NRXN3: variants seen among roughly 807,000 people sequenced by gnomAD.
The protein encoded by NRXN3 is neurexin 3.
In NRXN3, 32 loss-of-function variants were observed where a neutral mutation model predicts 137.6. The ratio of observed to expected loss-of-function variants is 0.23; its 90% confidence interval spans 0.18 to 0.31. The LOEUF is 0.31. NRXN3 is among the 10% of genes least tolerant of loss of function. The pLI is 1.00. For missense variants in NRXN3, 1,574 were observed against 2,062.5 expected (o/e 0.76, Z 4.59); for synonymous variants, 798 against 784.5 (o/e 1.02, Z -0.29).
At chr14:78,349,763 T>G (rs2083231422) in intron 4 of NRXN3, among the ~76,000 whole-genome samples, 1 of 152,228 alleles carries the variant, frequency 6.6e-6, no homozygotes, top group Non-Finnish European at 1.5e-5. Flanking sequence ...TTACCAGTAT[T>G]ATTCCTAGTC....
At chr14:79,667,180 G>A (rs2098564380) in intron 17 of NRXN3, among the ~76,000 whole-genome samples, 2 of 151,908 alleles carry the variant, frequency 1.3e-5, no homozygotes, top group Non-Finnish European at 2.9e-5. Context: ...ACCTGGCAAG[G>A]CAGTCTTGAC....
At chr14:79,132,143 G>C (rs573977220) in intron 15 of NRXN3, among the ~76,000 whole-genome samples, 1 of 152,228 alleles carries the variant, frequency 6.6e-6, no homozygotes, top group Non-Finnish European at 1.5e-5. Flanking sequence ...CGTCTTCTGC[G>C]TTGCTCACGC....
At chr14:79,734,719 G>A (rs914757121) in intron 19 of NRXN3, among the ~76,000 whole-genome samples, 25 of 151,946 alleles carry the variant, frequency 1.6e-4, no homozygotes, top group African/African-American at 5.6e-4. Context: ...AAAAAAGAAA[G>A]CCTGAGGAAA....
chr14:79,733,607 G>A (rs542371346), intron 19 of NRXN3, among the ~76,000 whole-genome samples: 6 of 151,772 alleles, frequency 4.0e-5, no homozygotes, highest in South Asian at 2.1e-4. Flanking sequence ...TGAATTCACC[G>A]ATTGCTATCT....
intron 10 of NRXN3, among the ~76,000 whole-genome samples, chr14:78,880,981 T>A (rs1288850190): frequency 6.6e-6 from 1 of 152,160 alleles, no homozygotes; most frequent in Non-Finnish European, 1.5e-5. Context: ...ACGGGGGCAA[T>A]TACCCTTATG....
chr14:79,112,687 A>G (rs1406579984), intron 15 of NRXN3, among the ~76,000 whole-genome samples: 1 of 152,236 alleles, frequency 6.6e-6, no homozygotes, highest in Admixed American at 6.5e-5. Flanking sequence ...GAAAAAAGCC[A>G]GGCTAGTCTC....
At chr14:78,458,080 A>G (rs2094802984) in intron 4 of NRXN3, among the ~76,000 whole-genome samples, 1 of 152,210 alleles carries the variant, frequency 6.6e-6, no homozygotes, top group Non-Finnish European at 1.5e-5. Flanking sequence ...AAATCTTCAG[A>G]GAAAGGAGGG....
chr14:79,464,433 CTG>C (rs1185921093), intron 15 of NRXN3, among the ~76,000 whole-genome samples: 15 of 152,058 alleles, frequency 9.9e-5, no homozygotes, highest in African/African-American at 3.6e-4. Flanking sequence ...ATTAAAGCCA[CTG>C]TGACTTTCTA....
chr14:79,152,358 T>A (rs1473088378), intron 15 of NRXN3, among the ~76,000 whole-genome samples: 2 of 151,958 alleles, frequency 1.3e-5, no homozygotes, highest in Non-Finnish European at 2.9e-5. Context: ...CAAAATGGAG[T>A]TCATCAAAGT....
intron 4 of NRXN3, among the ~76,000 whole-genome samples, chr14:78,394,536 T>G (rs1361636686): frequency 1.3e-5 from 2 of 151,894 alleles, no homozygotes; most frequent in African/African-American, 4.8e-5. Context: ...GTAGTTTTCT[T>G]TTTTGTACCG....
chr14:78,912,356 G>A (rs2099241288), intron 10 of NRXN3, among the ~76,000 whole-genome samples: 1 of 151,090 alleles, frequency 6.6e-6, no homozygotes, highest in Admixed American at 6.6e-5. Context: ...GAATAGAGAA[G>A]CAATCAGTTC....
chr14:78,393,088 C>A (rs2090985313), intron 4 of NRXN3, among the ~76,000 whole-genome samples: 1 of 152,060 alleles, frequency 6.6e-6, no homozygotes, highest in South Asian at 2.1e-4. Context: ...AAGAGAAAAC[C>A]ATTCTTCTGT....
chr14:79,213,227 A>G (rs191659873), intron 15 of NRXN3, among the ~76,000 whole-genome samples: 56 of 152,268 alleles, frequency 3.7e-4, no homozygotes, highest in African/African-American at 1.3e-3. Flanking sequence ...GTATGCCTCT[A>G]TAGATGGACA....
chr14:79,755,076 A>G (rs1350400921), intron 19 of NRXN3, among the ~76,000 whole-genome samples: 1 of 152,144 alleles, frequency 6.6e-6, no homozygotes, highest in Admixed American at 6.6e-5. Context: ...ATGGTTTAAT[A>G]CACTCTGTAA....
rs75670019 is a variant in NRXN3 at position 78,855,880 on chromosome 14, T to C, written c.2275+45536T>C. Among the ~76,000 whole-genome samples the C allele has an allele frequency of 0.012, 1,896 of 152,312 alleles. 206 individuals are homozygous for C. The East Asian group carries it at 0.25, about 20-fold the overall frequency. Reference sequence around the variant, plus strand: ...GTATTTCATCTGTAATATTATCTTATAGAATATAAAGATTTTCCTGTAAAA... The same window carrying C: ...GTATTTCATCTGTAATATTATCTTACAGAATATAAAGATTTTCCTGTAAAA... On this transcript the variant is annotated intron_variant, in intron 10 of 20. Coordinates refer to ENST00000335750, the MANE Select transcript of NRXN3 (RefSeq NM_001330195.2).
intron 4 of NRXN3, among the ~76,000 whole-genome samples, chr14:78,631,826 G>A (rs927502168): frequency 2.6e-5 from 4 of 152,106 alleles, no homozygotes; most frequent in South Asian, 2.1e-4. Context: ...AATGTATCAG[G>A]CTCATGCCTG....
intron 4 of NRXN3, among the ~76,000 whole-genome samples, chr14:78,403,292 A>G (rs965674813): frequency 3.9e-5 from 6 of 152,342 alleles, no homozygotes; most frequent in Admixed American, 3.9e-4. Context: ...TGCTCACTGC[A>G]GTAGCAACTT....
chr14:79,340,861 T>C (rs2092572913), intron 15 of NRXN3, among the ~76,000 whole-genome samples: 2 of 152,228 alleles, frequency 1.3e-5, no homozygotes, highest in African/African-American at 4.8e-5. Context: ...GGACGATATC[T>C]TATCTCTCTC....
chr14:78,426,858 A>G lies in NRXN3; in HGVS notation c.757+128998A>G, dbSNP rs534762347. On this transcript the variant is annotated intron_variant, in intron 4 of 20. Transcript: ENST00000335750. ...GGGGTAGTGTGTTCTGAACCCCATC[A>G]CAGACCATGGGAACTGAGCCTAGAG... 5.7e-4 allele frequency among the ~76,000 whole-genome samples: 87 copies of G among 152,222 alleles called. 1 individual carries two copies. Among genetic ancestry groups the G allele is most frequent in the African/African-American group, 2.0e-3 (82 of 41,544 alleles).
Sources: allele counts gnomAD v4.1 joint callset (sites outside exome capture counted in the v4.1 genomes callset), GRCh38; gene constraint gnomAD v4.1.1; transcripts MANE v1.5; gene names NCBI Gene and HGNC (gene_info 2026-07-23, HGNC 2026-07-21).